KCNQ1: variants seen among roughly 807,000 people sequenced by gnomAD.
KCNQ1 encodes the protein potassium voltage-gated channel subfamily KQT member 1.
A neutral mutation model predicts 72.4 loss-of-function variants in KCNQ1; 49 were observed. The observed-to-expected ratio is 0.68, with a 90% CI of 0.54 to 0.86. KCNQ1 has a LOEUF of 0.86. KCNQ1 is among the 40% of genes least tolerant of loss of function. KCNQ1 has a pLI of 0.00. For synonymous variants in KCNQ1, 450 were observed against 412.6 expected, an observed-to-expected ratio of 1.09 and a Z score of -1.10; for missense variants, 790 against 945.1, an observed-to-expected ratio of 0.84 and a Z score of 2.15.
chr11:2,719,278 G>A (rs1372940235), intron 11 of KCNQ1, among the ~76,000 whole-genome samples: 1 of 151,140 alleles, frequency 6.6e-6, no homozygotes, highest in Non-Finnish European at 1.5e-5. Context: ...AGCACTTTGG[G>A]AGGCCAGGCG....
In KCNQ1 at chr11:2,674,730, G is replaced by A. The variant is rs866646365; in HGVS notation, c.1514+12649G>A. 2 of 394,762 alleles carry A rather than the reference G, an allele frequency of 5.1e-6. No homozygotes were observed. Among genetic ancestry groups the A allele is most frequent in the South Asian group, 2.6e-4 (2 of 7,710 alleles). The allele number at this position is 394,762 out of a possible 1,614,324, so 24.5% of individuals were successfully genotyped here. A position where few individuals can be genotyped will look rare whatever the true frequency, so the allele number is the denominator to read the frequency against. The stretch of plus-strand genomic sequence containing the variant: ...GACTCCTTCCTTCTGAACTTAACTC[G>A]TTAAAGTTGCTCCAATCCCAGCCCA... On this transcript the variant is annotated intron_variant, in intron 11 of 15. Transcript: ENST00000155840. This position sits in a 1 kb window ranked among gnomAD's most constrained non-coding sequence, Gnocchi z 5.9.
At position 2,628,125 on chromosome 11, in the gene KCNQ1, C is replaced by T. The variant is rs1003294883; in HGVS notation, c.1394-33836C>T. On this transcript the variant is annotated intron_variant, in intron 10 of 15. Coordinates refer to ENST00000155840, the MANE Select transcript of KCNQ1 (RefSeq NM_000218.3). ...GGAGTGCAGATACCTCTTCAAGATA[C>T]TGACTTTGTTTTCCTTAGATATACC... 9 of 398,470 alleles carry T rather than the reference C, an allele frequency of 2.3e-5. No homozygotes were observed. In the East Asian group the frequency reaches 2.5e-4, roughly 11 times the overall value. 24.7% of individuals were successfully genotyped at this position (398,470 alleles called of 1,614,324 possible). A position where few individuals can be genotyped will look rare whatever the true frequency, so the allele number is the denominator to read the frequency against.
At position 2,723,897 on chromosome 11, in the gene KCNQ1, C is replaced by A. The variant is rs1047069223; in HGVS notation, c.1515-44947C>A. On this transcript the variant is annotated intron_variant, in intron 11 of 15. Transcript: ENST00000155840. This position sits in a 1 kb window ranked among gnomAD's most constrained non-coding sequence, Gnocchi z 4.2. ...GGGACCTCGGGACGAGGAAGTCACACGTTGGGGGATGTGCCGCAGGGATGG... is the reference window on the plus strand; with the variant it reads ...GGGACCTCGGGACGAGGAAGTCACAAGTTGGGGGATGTGCCGCAGGGATGG... 6.6e-6 allele frequency among the ~76,000 whole-genome samples: 1 copy of A among 152,186 alleles called. No homozygotes were observed. Among genetic ancestry groups the A allele is most frequent in the Non-Finnish European group, 1.5e-5 (1 of 68,032 alleles).
At chr11:2,705,570 A>G (rs909428746) in intron 11 of KCNQ1, among the ~76,000 whole-genome samples, 2 of 152,060 alleles carry the variant, frequency 1.3e-5, no homozygotes, top group Non-Finnish European at 2.9e-5. Context: ...GCTTCCTCCC[A>G]CAAAGCATCC....
rs1381784502 is a variant in KCNQ1 at position 2,642,280 on chromosome 11, A to T, written c.1394-19681A>T. The T allele has an allele frequency of 2.5e-6, 1 of 398,044 alleles. No homozygotes were observed. The highest frequency in any genetic ancestry group is 2.1e-5 in the African/African-American group (1 of 48,554). 24.7% of individuals were successfully genotyped at this position (398,044 alleles called of 1,614,324 possible). A position where few individuals can be genotyped will look rare whatever the true frequency, so the allele number is the denominator to read the frequency against. Reference sequence around the variant, plus strand: ...GGATGTTTTTTGTGTGTTCTTTTCAATTTCTTTCATCAGACTTTTGTAGTT... The same window carrying T: ...GGATGTTTTTTGTGTGTTCTTTTCATTTTCTTTCATCAGACTTTTGTAGTT... On this transcript the variant is annotated intron_variant, in intron 10 of 15. Coordinates refer to ENST00000155840, the MANE Select transcript of KCNQ1 (RefSeq NM_000218.3). This position sits in a 1 kb window ranked among gnomAD's most constrained non-coding sequence, Gnocchi z 4.3.
At chr11:2,581,703 C>A (rs189469417) in intron 6 of KCNQ1, among the ~76,000 whole-genome samples, 2 of 152,250 alleles carry the variant, frequency 1.3e-5, no homozygotes, top group African/African-American at 4.8e-5. Context: ...GTGCGTGTGC[C>A]GGGTCGTGTG....
At position 2,678,825 on chromosome 11, in the gene KCNQ1, A is replaced by G; in HGVS notation, c.1514+16744A>G. ...TGAGCACTTGTTTCTTCCAAGGCTC[A>G]CTTCAAGGAAGGCAGAATCCAGGTC... is the stretch of plus-strand genomic sequence containing the variant. On this transcript the variant is annotated intron_variant, in intron 11 of 15. Transcript: ENST00000155840. The surrounding 1 kb of genome is among the most constrained non-coding windows in gnomAD (Gnocchi z 4.9). 2 of 398,642 alleles carry G rather than the reference A, an allele frequency of 5.0e-6. No homozygotes were observed. The highest frequency in any genetic ancestry group is 8.8e-6 in the Non-Finnish European group (2 of 226,076). 24.7% of individuals were successfully genotyped at this position (398,642 alleles called of 1,614,324 possible).
intron 2 of KCNQ1, among the ~76,000 whole-genome samples, chr11:2,554,880 G>C (rs1017919820): frequency 1.3e-5 from 2 of 152,140 alleles, no homozygotes; most frequent in African/African-American, 4.8e-5. Flanking sequence ...ATTCCTGAAA[G>C]GGGGGGAAAA....
At position 2,746,076 on chromosome 11, in the gene KCNQ1, G is replaced by T. The variant is rs531185042; in HGVS notation, c.1515-22768G>T. 2.2e-4 allele frequency among the ~76,000 whole-genome samples: 34 copies of T among 152,248 alleles called. No homozygotes were observed. The highest frequency in any genetic ancestry group is 1.4e-3 in the Admixed American group (21 of 15,300). On this transcript the variant is annotated intron_variant, in intron 11 of 15. Coordinates refer to ENST00000155840, the MANE Select transcript of KCNQ1 (RefSeq NM_000218.3). The surrounding 1 kb of genome is among the most constrained non-coding windows in gnomAD (Gnocchi z 5.9). The stretch of plus-strand genomic sequence containing the variant: ...AGCTAATTTTTGTATTTTTGGTAGA[G>T]GTGGGGTTTCACCATGCTGGCCAGG...
In KCNQ1 at chr11:2,812,644, G is replaced by A. The variant is rs1258549516; in HGVS notation, c.1794+34607G>A. On this transcript the variant is annotated intron_variant, in intron 15 of 15. Coordinates refer to ENST00000155840, the MANE Select transcript of KCNQ1 (RefSeq NM_000218.3). ...CCTGTCTCCATGCAGCAGCCAGAGG[G>A]ACTTTAAAACATAAACCAGACCACA... Among the ~76,000 whole-genome samples the A allele has an allele frequency of 1.8e-4, 28 of 152,190 alleles. 1 individual carries two copies. The highest frequency in any genetic ancestry group is 1.8e-3 in the Admixed American group (28 of 15,284).
intron 11 of KCNQ1, among the ~76,000 whole-genome samples, chr11:2,751,168 G>A (rs942522272): frequency 2.6e-4 from 39 of 152,074 alleles, no homozygotes; most frequent in South Asian, 2.1e-4. Context: ...TGGTTTTGCC[G>A]GGCTCCGCTC....
chr11:2,656,483 C>T, intron 10 of KCNQ1: 1 of 398,694 alleles, frequency 2.5e-6, no homozygotes, highest in Non-Finnish European at 4.4e-6. Context: ...TGCCACTCGC[C>T]CCCACGGGCC....
chr11:2,508,309 T>C lies in KCNQ1; in HGVS notation c.387-19619T>C, dbSNP rs1054186998. On this transcript the variant is annotated intron_variant, in intron 1 of 15. Coordinates refer to ENST00000155840, the MANE Select transcript of KCNQ1 (RefSeq NM_000218.3). The surrounding 1 kb of genome is among the most constrained non-coding windows in gnomAD (Gnocchi z 6.2). ...GACTTGCCGTTACCCGGCGGAGATATGTCTTGGAAAGACTTTAGGCCAGGA... is the reference window on the plus strand; with the variant it reads ...GACTTGCCGTTACCCGGCGGAGATACGTCTTGGAAAGACTTTAGGCCAGGA... Among the ~76,000 whole-genome samples the C allele has an allele frequency of 2.0e-5, 3 of 152,318 alleles. No homozygotes were observed. In the East Asian group the frequency reaches 5.8e-4, roughly 29 times the overall value.
Position 2,683,394 on chromosome 11 carries a change from G to T in KCNQ1, c.1514+21313G>T. The T allele has an allele frequency of 2.5e-6, 1 of 398,608 alleles. No individual in the cohort carries two copies. The highest frequency in any genetic ancestry group is 4.4e-6 in the Non-Finnish European group (1 of 226,066). The allele number at this position is 398,608 out of a possible 1,614,324, so 24.7% of individuals were successfully genotyped here. A position where few individuals can be genotyped will look rare whatever the true frequency, so the allele number is the denominator to read the frequency against. The stretch of plus-strand genomic sequence containing the variant: ...AATGCAGGTTCCTGGGGCTCTGGGT[G>T]GTTTGTCCAATGGCTAAGCTTTCCC... On this transcript the variant is annotated intron_variant, in intron 11 of 15. Transcript: ENST00000155840. This position sits in a 1 kb window ranked among gnomAD's most constrained non-coding sequence, Gnocchi z 4.7.
chr11:2,639,317 G>C (rs1849531120), intron 10 of KCNQ1: 1 of 152,108 alleles, frequency 6.6e-6, no homozygotes, highest in Non-Finnish European at 1.5e-5. Flanking sequence ...CTGCTTTTCT[G>C]CTGTTTTTTC....
At chr11:2,831,061 C>T (rs962681829) in intron 15 of KCNQ1, among the ~76,000 whole-genome samples, 1 of 152,242 alleles carries the variant, frequency 6.6e-6, no homozygotes, top group Non-Finnish European at 1.5e-5. Context: ...GCTGCCCATG[C>T]TCTCTGCGCC....
In KCNQ1 at chr11:2,762,170, G is replaced by A. The variant is rs559300026; in HGVS notation, c.1515-6674G>A. Among the ~76,000 whole-genome samples, 2 of 152,370 alleles carry A rather than the reference G, an allele frequency of 1.3e-5. No individual in the cohort carries two copies. Among genetic ancestry groups the A allele is most frequent in the East Asian group, 3.9e-4 (2 of 5,190 alleles). On this transcript the variant is annotated intron_variant, in intron 11 of 15. Coordinates refer to ENST00000155840, the MANE Select transcript of KCNQ1 (RefSeq NM_000218.3). This position sits in a 1 kb window ranked among gnomAD's most constrained non-coding sequence, Gnocchi z 4.3. ...GCCAGGGTAATAGTTCCTCTCGTGT[G>A]TCAGGCCTGGGAGGGGGGCCTTCAT...
rs1013343881 is a variant in KCNQ1 at position 2,468,437 on chromosome 11, T to C, written c.386+22953T>C. 6.6e-6 allele frequency among the ~76,000 whole-genome samples: 1 copy of C among 152,124 alleles called. No individual in the cohort carries two copies. Among genetic ancestry groups the C allele is most frequent in the Non-Finnish European group, 1.5e-5 (1 of 68,020 alleles). ...GCTGGGATTACAGGCATGCACTTTTTTTTTCTAAGTAGCTTTACGGAGGCG... is the reference window on the plus strand; with the variant it reads ...GCTGGGATTACAGGCATGCACTTTTCTTTTCTAAGTAGCTTTACGGAGGCG... On this transcript the variant is annotated intron_variant, in intron 1 of 15. Coordinates refer to ENST00000155840, the MANE Select transcript of KCNQ1 (RefSeq NM_000218.3). The surrounding 1 kb of genome is among the most constrained non-coding windows in gnomAD (Gnocchi z 5.7).
chr11:2,519,752 T>C (rs561511223), intron 1 of KCNQ1, among the ~76,000 whole-genome samples: 11 of 146,722 alleles, frequency 7.5e-5, no homozygotes, highest in Admixed American at 3.5e-4. Context: ...ATTAAATACT[T>C]ACATAGTACA....
Sources: allele counts gnomAD v4.1 joint callset (sites outside exome capture counted in the v4.1 genomes callset), GRCh38; gene constraint gnomAD v4.1.1; non-coding constraint Gnocchi (gnomAD v3.1); transcripts MANE v1.5; gene names NCBI Gene and HGNC (gene_info 2026-07-23, HGNC 2026-07-21).